OR13A1: variants seen among roughly 807,000 people sequenced by gnomAD.
The protein encoded by OR13A1 is olfactory receptor family 13 subfamily A member 1.
In OR13A1, 10 loss-of-function variants were observed where a neutral mutation model predicts 7.5. The ratio of observed to expected loss-of-function variants is 1.34; its 90% CI spans 0.83 to 2.27. OR13A1 has a LOEUF of 2.27. OR13A1 is among the 30% of genes most tolerant of loss of function. OR13A1 has a pLI of 0.00. For synonymous variants in OR13A1, 238 were observed against 177.9 expected (o/e 1.34, Z -2.69); for missense variants, 509 against 419.1 (o/e 1.21, Z -1.87).
chr10:45,304,382 G>C lies in OR13A1; in HGVS notation c.41C>G (p.Thr14Ser). The C allele has an allele frequency of 3.7e-6, 6 of 1,613,934 alleles. No homozygotes were observed. The highest frequency in any genetic ancestry group is 5.1e-6 in the Non-Finnish European group (6 of 1,179,974). ...WMESHLIVPE[T>S]RPSPRMMSNQ... is the part of the protein sequence containing the mutation. ...ACTCATCATCCTTGGGCTGGGACGG[G>C]TTTCTGGGACTATCAGGTGACTCTC... Residue 14 changes from threonine (T) to serine (S), a missense_variant, in exon 4 of 4, where the codon ACC becomes AGC. By Grantham distance (58) the Thr-to-Ser change is moderately conservative. Coordinates refer to ENST00000553795, the MANE Select transcript of OR13A1 (RefSeq NM_001004297.3).
At chr10:45,312,273 C>CAATA (rs746731768) in intron 1 of OR13A1, among the ~76,000 whole-genome samples, 10 of 151,970 alleles carry the variant, frequency 6.6e-5, no homozygotes, top group Non-Finnish European at 1.2e-4. Context: ...ACCCCAAGCA[C>CAATA]AATAAATATG....
chr10:45,304,511 G>A, intron 3 of OR13A1, 77 bp from the exon 4 acceptor site: 1 of 1,228,720 alleles, frequency 8.1e-7, no homozygotes, highest in Non-Finnish European at 1.2e-6. Context: ...CTGCATGAAA[G>A]ATAGAGATGC....
chr10:45,313,603 A>AGCAAG (rs2133048800), intron 1 of OR13A1, among the ~76,000 whole-genome samples: 1 of 152,222 alleles, frequency 6.6e-6, no homozygotes, highest in East Asian at 1.9e-4. Flanking sequence ...GGTAAATAAA[A>AGCAAG]GCAAGCAGAA....
Position 45,303,791 on chromosome 10 carries a change from T to C in OR13A1, c.632A>G (p.Tyr211Cys), listed in dbSNP as rs754049086. The C allele has an allele frequency of 1.2e-6, 2 of 1,613,688 alleles. No individual in the cohort carries two copies. Among genetic ancestry groups the C allele is most frequent in the African/African-American group, 1.3e-5 (1 of 74,918 alleles). Residue 211 changes from tyrosine to cysteine, a missense_variant, in exon 4 of 4, where the codon TAC becomes TGC. By Grantham distance (194) the Tyr-to-Cys change is radical. Coordinates refer to ENST00000553795, the MANE Select transcript of OR13A1 (RefSeq NM_001004297.3). Reference protein sequence around the residue: ...PLLLLSCSSTYVNGVMIVLAD... With the variant: ...PLLLLSCSSTCVNGVMIVLAD... ...CAGGACAATCATGACACCGTTGACG[T>C]AGGTGGAGCTGCAGGAGAGAAGCAG...
intron 1 of OR13A1, among the ~76,000 whole-genome samples, chr10:45,312,260 T>C (rs1425319791): frequency 2.0e-5 from 3 of 152,042 alleles, no homozygotes; most frequent in Non-Finnish European, 4.4e-5. Flanking sequence ...ATAAGCTCAA[T>C]GAACCCCAAG....
At chr10:45,307,127 G>A (rs576372992) in intron 3 of OR13A1, among the ~76,000 whole-genome samples, 40 of 152,258 alleles carry the variant, frequency 2.6e-4, no homozygotes, top group African/African-American at 9.6e-4. Flanking sequence ...ACTCCACAGT[G>A]CATATTACAA....
At chr10:45,314,444 A>G (rs914828292) in intron 1 of OR13A1, among the ~76,000 whole-genome samples, 10 of 151,762 alleles carry the variant, frequency 6.6e-5, no homozygotes, top group South Asian at 2.1e-4. Context: ...AACTTAAGAA[A>G]AAAAAAAAAA....
chr10:45,303,641 G>C lies in OR13A1; in HGVS notation c.782C>G (p.Ser261Cys), dbSNP rs1218496344. 6 of 1,614,192 alleles carry C rather than the reference G, an allele frequency of 3.7e-6. No individual in the cohort carries two copies. Among genetic ancestry groups the C allele is most frequent in the Non-Finnish European group, 5.1e-6 (6 of 1,180,032 alleles). Reference protein sequence around the residue: ...GRQKAFSTCSSHLTVVCMYYT... With the variant: ...GRQKAFSTCSCHLTVVCMYYT... ...ATACATGCACACCACGGTGAGGTGG[G>C]AAGAGCAGGTGGAGAAGGCTTTCTG... The change falls in exon 4 of 4, where the codon TCC becomes TGC. Residue 261 changes from serine to cysteine, a missense_variant. Physicochemically the swap from Ser to Cys is moderately radical, Grantham distance 112. Coordinates refer to ENST00000553795, the MANE Select transcript of OR13A1 (RefSeq NM_001004297.3).
chr10:45,304,014 C>A lies in OR13A1; in HGVS notation c.409G>T (p.Ala137Ser). ...SSELLLLTVM[A>S]YDRYAAICHP... ...CAGATGGCTGCGTACCGGTCATAGG[C>A]CATGACCGTGAGGAGCAGCAGCTCT... Residue 137 changes from alanine to serine, a missense_variant, in exon 4 of 4, where the codon GCC becomes TCC. Coordinates refer to ENST00000553795, the MANE Select transcript of OR13A1 (RefSeq NM_001004297.3). 1 of 1,612,738 alleles carries A rather than the reference C, an allele frequency of 6.2e-7. No individual in the cohort carries two copies. Among genetic ancestry groups the A allele is most frequent in the Non-Finnish European group, 8.5e-7 (1 of 1,179,162 alleles).
intron 3 of OR13A1, among the ~76,000 whole-genome samples, chr10:45,306,282 G>C (rs1447639899): frequency 1.3e-5 from 2 of 152,094 alleles, no homozygotes; most frequent in Non-Finnish European, 2.9e-5. Context: ...GTGAAACCCC[G>C]TCTCTACTAA....
chr10:45,305,789 A>T (rs745665024), intron 3 of OR13A1, among the ~76,000 whole-genome samples: 2 of 152,112 alleles, frequency 1.3e-5, no homozygotes, highest in Non-Finnish European at 2.9e-5. Context: ...GGACATAATC[A>T]GCCCCCTCTT....
At chr10:45,311,445 C>T (rs1340648302) in intron 1 of OR13A1, among the ~76,000 whole-genome samples, 1 of 152,082 alleles carries the variant, frequency 6.6e-6, no homozygotes, top group African/African-American at 2.4e-5. Flanking sequence ...CTAAGAAAGG[C>T]TTAGAGCAAA....
intron 3 of OR13A1, 101 bp from the exon 4 acceptor site, chr10:45,304,535 G>T: frequency 3.0e-6 from 3 of 1,016,274 alleles, no homozygotes; most frequent in South Asian, 1.6e-5. Flanking sequence ...AGGGCATATT[G>T]ATTAAGATAA....
At chr10:45,307,865 T>A (rs1279872049) in intron 1 of OR13A1, 57 bp from the exon 2 acceptor site, 7 of 152,162 alleles carry the variant, frequency 4.6e-5, no homozygotes, top group Admixed American at 4.6e-4. Flanking sequence ...GAAATAACAA[T>A]AATAGTCCTC....
At chr10:45,312,160 TGAGAAATGGGAGAAGAACAG>T (rs888357889) in intron 1 of OR13A1, among the ~76,000 whole-genome samples, 5 of 151,910 alleles carry the variant, frequency 3.3e-5, no homozygotes, top group African/African-American at 1.2e-4. Context: ...CATAAGGGCA[TGAGAAATGGGAGAAGAACAG>T]AAAAAAATTT....
chr10:45,307,784 A>G lies in OR13A1; in HGVS notation c.-200T>C, dbSNP rs972797085. 6.6e-6 allele frequency: 1 copy of G among 152,220 alleles called. No individual in the cohort carries two copies. Among genetic ancestry groups the G allele is most frequent in the Non-Finnish European group, 1.5e-5 (1 of 68,044 alleles). The allele number at this position is 152,220 out of a possible 1,614,324, so 9.4% of individuals were successfully genotyped here. ...CGAACAGCGGTTATTTTCCACATTT[A>G]TCAAACCCTTGGGCACTCAAGCTTC... On this transcript the variant is annotated 5_prime_UTR_variant, in exon 2 of 4. Transcript: ENST00000553795.
chr10:45,305,015 G>A (rs1416043079), intron 3 of OR13A1, among the ~76,000 whole-genome samples: 1 of 152,168 alleles, frequency 6.6e-6, no homozygotes, highest in African/African-American at 2.4e-5. Context: ...CAGATCACTT[G>A]AAGCCAGGAA....
rs141970131 is a variant in OR13A1, at chr10:45,307,486, G to C, written c.-73C>G. On this transcript the variant is annotated 5_prime_UTR_variant, in exon 3 of 4. Coordinates refer to ENST00000553795, the MANE Select transcript of OR13A1 (RefSeq NM_001004297.3). ...TCTTCTCAATCAACTGGTCAATAAT[G>C]AGATCAAAGAATCGGGGCTCCAATC... 6.6e-6 allele frequency: 1 copy of C among 152,264 alleles called. No homozygotes were observed. Among genetic ancestry groups the C allele is most frequent in the East Asian group, 1.9e-4 (1 of 5,172 alleles). The allele number at this position is 152,264 out of a possible 1,614,324, so 9.4% of individuals were successfully genotyped here. A position where few individuals can be genotyped will look rare whatever the true frequency, so the allele number is the denominator to read the frequency against.
chr10:45,306,317 G>C (rs1321043228), intron 3 of OR13A1, among the ~76,000 whole-genome samples: 2 of 152,076 alleles, frequency 1.3e-5, no homozygotes, highest in African/African-American at 4.8e-5. Flanking sequence ...GCCGGGCGTG[G>C]TGGCGGGCGC....
Sources: gnomAD v4.1 joint callset for allele counts (sites outside exome capture counted in the v4.1 genomes callset) on GRCh38, gnomAD v4.1.1 for gene constraint, MANE v1.5 for transcripts, NCBI Gene and HGNC (gene_info 2026-07-23, HGNC 2026-07-21) for gene names.